The following KIAA0825 variants were observed in gnomAD, a reference collection of about 807,000 sequenced individuals.
KIAA0825 encodes uncharacterized protein KIAA0825.
KIAA0825 carries 119 observed loss-of-function variants against 147.6 expected under a neutral mutation model. The observed-to-expected ratio is 0.81, with a 90% CI of 0.69 to 0.94. The LOEUF is 0.94. Ranked by LOEUF, KIAA0825 falls within the 40% of genes least tolerant of loss-of-function variation. The pLI is 0.00. For synonymous variants in KIAA0825, 470 were observed against 518.1 expected, an observed-to-expected ratio of 0.91 and a Z score of 1.26; for missense variants, 1,381 against 1,472.7, an observed-to-expected ratio of 0.94 and a Z score of 1.02.
intron 20 of KIAA0825, among the ~76,000 whole-genome samples, chr5:94,233,077 C>A (rs1774830516): frequency 6.6e-6 from 1 of 152,046 alleles, no homozygotes; most frequent in Non-Finnish European, 1.5e-5. Context: ...ATTTTGGACA[C>A]AGAAGTGATT....
chr5:94,256,005 C>T (rs1056507932), intron 20 of KIAA0825, among the ~76,000 whole-genome samples: 2 of 151,952 alleles, frequency 1.3e-5, no homozygotes, highest in Non-Finnish European at 2.9e-5. Context: ...TAAGCCACCA[C>T]ACTTGGCCAA....
At chr5:94,565,486 C>T (rs1378213269) in intron 2 of KIAA0825, among the ~76,000 whole-genome samples, 3 of 151,754 alleles carry the variant, frequency 2.0e-5, no homozygotes, top group East Asian at 3.9e-4. Flanking sequence ...GGATTACAGG[C>T]GCCCACCACC....
intron 20 of KIAA0825, among the ~76,000 whole-genome samples, chr5:94,238,955 A>G (rs562785745): frequency 5.9e-5 from 9 of 152,306 alleles, no homozygotes; most frequent in African/African-American, 1.9e-4. Context: ...TAACATAAAG[A>G]AAGTTGAACA....
intron 20 of KIAA0825, among the ~76,000 whole-genome samples, chr5:94,310,324 TCTC>T (rs1779046225): frequency 6.6e-6 from 1 of 151,616 alleles, no homozygotes; most frequent in Non-Finnish European, 1.5e-5. Context: ...ATCAGGCACT[TCTC>T]CTCGATCTAT....
At chr5:94,223,622 T>G (rs1031723120) in intron 20 of KIAA0825, among the ~76,000 whole-genome samples, 1 of 152,238 alleles carries the variant, frequency 6.6e-6, no homozygotes, top group African/African-American at 2.4e-5. Flanking sequence ...TTTTAAGTAT[T>G]CCTATGATGT....
chr5:94,357,711 T>C (rs1380554346), intron 20 of KIAA0825, among the ~76,000 whole-genome samples: 1 of 152,226 alleles, frequency 6.6e-6, no homozygotes, highest in Non-Finnish European at 1.5e-5. Flanking sequence ...GCTATGGCCT[T>C]TCTGAGCTTC....
intron 1 of KIAA0825, among the ~76,000 whole-genome samples, chr5:94,602,546 T>C (rs544829808): frequency 2.6e-5 from 4 of 152,200 alleles, no homozygotes; most frequent in Admixed American, 1.3e-4. Context: ...TGGGAAGTAA[T>C]TGAATCAAGG....
At chr5:94,489,763 G>T (rs1442416201) in intron 5 of KIAA0825, among the ~76,000 whole-genome samples, 2 of 151,592 alleles carry the variant, frequency 1.3e-5, no homozygotes, top group East Asian at 3.9e-4. Context: ...GTGTGCACCT[G>T]TAGTCTCAGC....
chr5:94,537,664 A>AG (rs201660624), intron 2 of KIAA0825, among the ~76,000 whole-genome samples: 9 of 151,504 alleles, frequency 5.9e-5, no homozygotes, highest in African/African-American at 1.5e-4. Context: ...AAAAAAAAAA[A>AG]AAAGAAAGCT....
At chr5:94,538,193 C>G (rs189598319) in intron 2 of KIAA0825, among the ~76,000 whole-genome samples, 1 of 151,978 alleles carries the variant, frequency 6.6e-6, no homozygotes, top group African/African-American at 2.4e-5. Context: ...AAAAATCATA[C>G]GGTGAGAAGT....
intron 20 of KIAA0825, among the ~76,000 whole-genome samples, chr5:94,363,559 C>A (rs965443529): frequency 6.6e-6 from 1 of 152,092 alleles, no homozygotes; most frequent in Admixed American, 6.6e-5. Context: ...TTCTAATGAG[C>A]ATATATGTGA....
At chr5:94,504,253 AGTAG>A (rs1421994359) in intron 5 of KIAA0825, among the ~76,000 whole-genome samples, 2 of 152,174 alleles carry the variant, frequency 1.3e-5, no homozygotes, top group African/African-American at 4.8e-5. Flanking sequence ...AATTATCTCA[AGTAG>A]GTAGAGGGAC....
chr5:94,464,783 A>T (rs1041227454), intron 11 of KIAA0825, 86 bp downstream of exon 11: 1 of 1,055,234 alleles, frequency 9.5e-7, no homozygotes, highest in African/African-American at 1.6e-5. Flanking sequence ...ATATATAAGG[A>T]GTATGTCATG....
chr5:94,233,455 T>G (rs866117100), intron 20 of KIAA0825, among the ~76,000 whole-genome samples: 1 of 152,250 alleles, frequency 6.6e-6, no homozygotes, highest in African/African-American at 2.4e-5. Flanking sequence ...TTGTTTGTGT[T>G]TGTGCATTAG....
chr5:94,576,987 T>A (rs887959911), intron 2 of KIAA0825, among the ~76,000 whole-genome samples: 1 of 152,254 alleles, frequency 6.6e-6, no homozygotes, highest in Non-Finnish European at 1.5e-5. Context: ...CAATTTAACG[T>A]ATGTGTGTAC....
At chr5:94,402,090 G>A (rs776844338) in intron 16 of KIAA0825, among the ~76,000 whole-genome samples, 5 of 152,096 alleles carry the variant, frequency 3.3e-5, no homozygotes, top group Non-Finnish European at 7.4e-5. Context: ...CATGGGATCT[G>A]ACATTCCTTC....
At chr5:94,313,811 A>T (rs779143923) in intron 20 of KIAA0825, among the ~76,000 whole-genome samples, 2 of 151,576 alleles carry the variant, frequency 1.3e-5, no homozygotes, top group Non-Finnish European at 3.0e-5. Context: ...ATCAGTTTTC[A>T]TACAGCCTAG....
chr5:94,393,897 G>C (rs1357421992), intron 17 of KIAA0825, among the ~76,000 whole-genome samples: 1 of 150,318 alleles, frequency 6.7e-6, no homozygotes, highest in East Asian at 2.0e-4. Flanking sequence ...TGCCCAGGCT[G>C]GAGTGCAATG....
intron 20 of KIAA0825, among the ~76,000 whole-genome samples, chr5:94,269,088 T>C (rs984473281): frequency 3.3e-5 from 5 of 152,202 alleles, no homozygotes; most frequent in African/African-American, 1.2e-4. Flanking sequence ...TAGTTTACAT[T>C]GTATGTTAAG....
Sources: allele counts gnomAD v4.1 joint callset (sites outside exome capture counted in the v4.1 genomes callset), GRCh38; gene constraint gnomAD v4.1.1; transcripts MANE v1.5; gene names NCBI Gene and HGNC (gene_info 2026-07-23, HGNC 2026-07-21).